Variants in ZDHHC15 observed in about 807,000 individuals in gnomAD.
ZDHHC15 encodes the protein palmitoyltransferase ZDHHC15.
ZDHHC15 carries 19 observed loss-of-function variants against 31.7 expected under a neutral mutation model. That is an observed-to-expected ratio of 0.60 (90% confidence interval 0.42 to 0.88). The LOEUF is 0.88. Ranked by LOEUF, ZDHHC15 falls within the 40% of genes least tolerant of loss-of-function variation. The pLI is 0.00. For synonymous variants in ZDHHC15, 103 were observed against 90.0 expected (o/e 1.14, Z -0.82); for missense variants, 209 against 251.2 (o/e 0.83, Z 1.14).
intron 5 of ZDHHC15, among the ~76,000 whole-genome samples, chrX:75,430,817 G>A (rs778021447): frequency 2.7e-5 from 3 of 111,323 alleles, no homozygotes; most frequent in Non-Finnish European, 3.8e-5. Flanking sequence ...TTACTCTGTC[G>A]TCTTCCTCCC....
intron 3 of ZDHHC15, among the ~76,000 whole-genome samples, chrX:75,459,691 G>A (rs1204696380): frequency 8.9e-6 from 1 of 111,779 alleles, no homozygotes; most frequent in African/African-American, 3.3e-5. Flanking sequence ...CTGGGGGATG[G>A]GGCAGCCACC....
At chrX:75,428,610 G>A (rs768016604) in intron 7 of ZDHHC15, among the ~76,000 whole-genome samples, 1 of 111,668 alleles carries the variant, frequency 9.0e-6, no homozygotes, top group Non-Finnish European at 1.9e-5. Context: ...AGATAGGTCA[G>A]TATATCTTTC....
At chrX:75,468,952 C>A (rs981794545) in intron 3 of ZDHHC15, among the ~76,000 whole-genome samples, 8 of 111,737 alleles carry the variant, frequency 7.2e-5, no homozygotes, top group African/African-American at 2.6e-4. Flanking sequence ...TTGATATATT[C>A]TGAACACTTG....
At chrX:75,427,418 T>C (rs2083727677) in intron 7 of ZDHHC15, among the ~76,000 whole-genome samples, 2 of 112,018 alleles carry the variant, frequency 1.8e-5, no homozygotes, top group African/African-American at 6.5e-5. Context: ...AAAAAGCATA[T>C]AGCACCTGGC....
At chrX:75,416,790 A>G (rs1444714249) in intron 10 of ZDHHC15, among the ~76,000 whole-genome samples, 2 of 111,649 alleles carry the variant, frequency 1.8e-5, no homozygotes, top group Non-Finnish European at 3.8e-5. Flanking sequence ...CATTCAAGCA[A>G]AGTACTACAA....
chrX:75,518,897 T>A (rs192541467), intron 1 of ZDHHC15, among the ~76,000 whole-genome samples: 416 of 100,248 alleles, frequency 4.1e-3, no homozygotes, highest in South Asian at 5.2e-3. Flanking sequence ...TTACATAATA[T>A]AATGTGGACC....
intron 10 of ZDHHC15, among the ~76,000 whole-genome samples, chrX:75,385,870 G>A (rs1374438392): frequency 9.0e-6 from 1 of 111,381 alleles, no homozygotes; most frequent in Non-Finnish European, 1.9e-5. Flanking sequence ...TTAATCATTT[G>A]GCAAATAATG....
Position 75,386,806 on chromosome X carries a change from G to T in ZDHHC15, c.968-7608C>A, listed in dbSNP as rs186732925. On this transcript the variant is annotated intron_variant, in intron 10 of 11. Transcript: ENST00000373367. ...GGATTCTTTTTAAATTATTTTTCTT[G>T]TCATGGTTACTATACTGATAGAGAG... Among the ~76,000 whole-genome samples the T allele has an allele frequency of 1.7e-4, 19 of 111,544 alleles. No homozygotes were observed. In the East Asian group the frequency reaches 5.1e-3, roughly 30 times the overall value.
At chrX:75,509,133 C>A (rs2148055007) in intron 1 of ZDHHC15, among the ~76,000 whole-genome samples, 1 of 111,019 alleles carries the variant, frequency 9.0e-6, no homozygotes, top group East Asian at 2.8e-4. Context: ...GTCTAAAACA[C>A]CAAAAGCAAT....
intron 10 of ZDHHC15, among the ~76,000 whole-genome samples, chrX:75,387,619 A>G (rs2083193485): frequency 8.9e-6 from 1 of 111,932 alleles, no homozygotes; most frequent in Admixed American, 9.5e-5. Context: ...TAAAGGAGAG[A>G]AAAAGAATGA....
In ZDHHC15 at chrX:75,369,925, A is replaced by G. The variant is rs1179656062; in HGVS notation, c.*3053T>C. Reference sequence around the variant, plus strand: ...AGACAGCTGTGTTCCATTGGGGACCACTTAATCTCTTTTCCCCTTAATTTT... The same window carrying G: ...AGACAGCTGTGTTCCATTGGGGACCGCTTAATCTCTTTTCCCCTTAATTTT... On this transcript the variant is annotated 3_prime_UTR_variant, in exon 12 of 12. Transcript: ENST00000373367. The G allele has an allele frequency of 9.0e-6, 1 of 111,400 alleles. No homozygotes were observed. Among genetic ancestry groups the G allele is most frequent in the East Asian group, 2.8e-4 (1 of 3,538 alleles). 9.2% of individuals were successfully genotyped at this position (111,400 alleles called of 1,213,427 possible).
intron 2 of ZDHHC15, among the ~76,000 whole-genome samples, chrX:75,495,472 A>T (rs1344861969): frequency 1.8e-5 from 2 of 111,039 alleles, no homozygotes; most frequent in Non-Finnish European, 1.9e-5. Flanking sequence ...CTATAAAGAC[A>T]CATGCACACG....
chrX:75,498,986 T>C (rs2085050726), intron 2 of ZDHHC15, among the ~76,000 whole-genome samples: 1 of 111,288 alleles, frequency 9.0e-6, no homozygotes, highest in African/African-American at 3.3e-5. Context: ...AGCCAAATAC[T>C]TAGAGCCAAC....
At position 75,372,876 on chromosome X, in the gene ZDHHC15, T is replaced by G. The variant is rs769423731; in HGVS notation, c.*102A>C. On this transcript the variant is annotated 3_prime_UTR_variant, in exon 12 of 12. Transcript: ENST00000373367. ...AAGCTTTCAATCCAACACGGTGACT[T>G]ATTTTGAAGATTACAATGATTTCCA... is the stretch of plus-strand genomic sequence containing the variant. 21 of 111,820 alleles carry G rather than the reference T, an allele frequency of 1.9e-4. No homozygotes were observed. The highest frequency in any genetic ancestry group is 3.8e-4 in the Non-Finnish European group (20 of 53,137). 9.2% of individuals were successfully genotyped at this position (111,820 alleles called of 1,213,427 possible). A position where few individuals can be genotyped will look rare whatever the true frequency, so the allele number is the denominator to read the frequency against.
chrX:75,502,553 C>G (rs953712963), intron 2 of ZDHHC15, among the ~76,000 whole-genome samples: 6 of 111,858 alleles, frequency 5.4e-5, no homozygotes, highest in African/African-American at 1.9e-4. Context: ...ATTAGTTGAA[C>G]TTTTGTTTAA....
intron 3 of ZDHHC15, among the ~76,000 whole-genome samples, chrX:75,458,979 G>A (rs1215915064): frequency 3.4e-5 from 3 of 87,419 alleles, no homozygotes; most frequent in Non-Finnish European, 6.8e-5. Context: ...CCTCCCAGGA[G>A]TGGCACAGAG....
rs1475261144 is a variant in ZDHHC15 at position 75,483,077 on chromosome X, A to ATG, written c.164-4094_164-4093dup. Among the ~76,000 whole-genome samples, 17 of 81,763 alleles carry ATG rather than the reference A, an allele frequency of 2.1e-4. No homozygotes were observed. In the South Asian group the frequency reaches 4.1e-3, roughly 20 times the overall value. The allele number at this position is 81,763 out of a possible 115,157, so 71.0% of individuals were successfully genotyped here. A position where few individuals can be genotyped will look rare whatever the true frequency, so the allele number is the denominator to read the frequency against. ...TACACATATGTGTATATATATGTGT[A>ATG]TGTGTATATATATATATATATATAT... On this transcript the variant is annotated intron_variant, in intron 2 of 11. Transcript: ENST00000373367.
At chrX:75,517,985 AC>A (rs1369852296) in intron 1 of ZDHHC15, among the ~76,000 whole-genome samples, 1 of 110,400 alleles carries the variant, frequency 9.1e-6, no homozygotes, top group Non-Finnish European at 1.9e-5. Flanking sequence ...ACAAAAAAAA[AC>A]AAAAAACAAA....
intron 10 of ZDHHC15, among the ~76,000 whole-genome samples, chrX:75,386,139 G>A: frequency 8.9e-6 from 1 of 111,875 alleles, no homozygotes; most frequent in Middle Eastern, 4.6e-3. Flanking sequence ...ATTAATGGGT[G>A]TCATATAAAG....
Sources: allele counts gnomAD v4.1 joint callset (sites outside exome capture counted in the v4.1 genomes callset), GRCh38; gene constraint gnomAD v4.1.1; transcripts MANE v1.5; gene names NCBI Gene and HGNC (gene_info 2026-07-23, HGNC 2026-07-21).